The following AGBL3 variants were observed in gnomAD, a reference collection of about 807,000 sequenced individuals.
The protein encoded by AGBL3 is AGBL carboxypeptidase 3, also known as cytosolic carboxypeptidase 3.
A neutral mutation model predicts 94.5 loss-of-function variants in AGBL3; 68 were observed. That is an observed-to-expected ratio of 0.72 (90% CI 0.59 to 0.88). The LOEUF is 0.88. AGBL3 is among the 40% of genes least tolerant of loss of function. The probability of loss-of-function intolerance (pLI) is 0.00; values close to 1 mark genes in which losing one functional copy is unlikely to be tolerated. For synonymous variants in AGBL3, 354 were observed against 370.7 expected (o/e 0.95, Z 0.52); for missense variants, 934 against 1,103.8 (o/e 0.85, Z 2.18).
intron 1 of AGBL3, among the ~76,000 whole-genome samples, chr7:134,987,165 C>T (rs563700556): frequency 4.7e-4 from 71 of 152,290 alleles, no homozygotes; most frequent in Admixed American, 1.9e-3. Context: ...TTGGACTTAA[C>T]TTATATGTAG....
chr7:135,126,087 A>G (rs954328012), intron 16 of AGBL3, among the ~76,000 whole-genome samples: 1 of 152,216 alleles, frequency 6.6e-6, no homozygotes, highest in African/African-American at 2.4e-5. Flanking sequence ...TCAAACAGGA[A>G]GAGAGGAAGT....
intron 4 of AGBL3, among the ~76,000 whole-genome samples, chr7:135,014,757 A>G (rs2133478764): frequency 6.6e-6 from 1 of 152,338 alleles, no homozygotes; most frequent in African/African-American, 2.4e-5. Flanking sequence ...TCACAAGGTG[A>G]TCCATGAGAC....
chr7:135,130,282 G>A (rs1162970770), intron 16 of AGBL3, among the ~76,000 whole-genome samples: 1 of 152,146 alleles, frequency 6.6e-6, no homozygotes, highest in African/African-American at 2.4e-5. Context: ...TTTCAGAATG[G>A]AAATTTATAA....
intron 12 of AGBL3, among the ~76,000 whole-genome samples, chr7:135,072,938 TA>T (rs1296246872): frequency 2.0e-5 from 3 of 151,402 alleles, no homozygotes; most frequent in South Asian, 2.1e-4. Flanking sequence ...AAAATAAAAT[TA>T]AAAAAAATTT....
At chr7:135,014,710 C>T (rs973618562) in intron 4 of AGBL3, among the ~76,000 whole-genome samples, 14 of 152,090 alleles carry the variant, frequency 9.2e-5, no homozygotes, top group African/African-American at 2.9e-4. Context: ...GTCCTAAGGC[C>T]TATGGAGAAA....
intron 16 of AGBL3, among the ~76,000 whole-genome samples, chr7:135,127,970 T>G (rs1828123847): frequency 6.6e-6 from 1 of 152,056 alleles, no homozygotes. Context: ...TGTGGCCATA[T>G]ACACCATGGA....
At chr7:134,991,838 G>C (rs551973448) in intron 3 of AGBL3, among the ~76,000 whole-genome samples, 2 of 151,892 alleles carry the variant, frequency 1.3e-5, no homozygotes, top group Non-Finnish European at 2.9e-5. Context: ...AAAAGACTCA[G>C]TTTCTATCTG....
intron 16 of AGBL3, among the ~76,000 whole-genome samples, chr7:135,121,889 G>A (rs1469434757): frequency 2.6e-5 from 4 of 152,202 alleles, no homozygotes; most frequent in Admixed American, 2.0e-4. Context: ...TTTTTCCACA[G>A]AACTGTGAAA....
At chr7:135,088,950 G>C (rs1339491232) in intron 15 of AGBL3, among the ~76,000 whole-genome samples, 1 of 152,094 alleles carries the variant, frequency 6.6e-6, no homozygotes. Context: ...ATTATTTCAA[G>C]AAATTGGTTT....
In AGBL3 at chr7:135,044,057, G is replaced by A; in HGVS notation, c.1533G>A (p.Gln511=). The A allele has an allele frequency of 6.5e-7, 1 of 1,550,254 alleles. No individual in the cohort carries two copies. The highest frequency in any genetic ancestry group is 8.7e-7 in the Non-Finnish European group (1 of 1,145,844). Residue 511 remains glutamine, a synonymous_variant, in exon 9 of 17, where the codon CAG becomes CAA. Coordinates refer to ENST00000436302, the MANE Select transcript of AGBL3 (RefSeq NM_178563.4). ...TCTCAGCTTGCAAGTTTAATGTCCA[G>A]AAGAGCAAAGAAGGAACAGGAAGGG... is the stretch of plus-strand genomic sequence containing the variant. ...FSFSACKFNV[Q]KSKEGTGRVV...
At chr7:135,045,363 G>T in intron 9 of AGBL3, 111 bp from the exon 10 acceptor site, 1 of 852,276 alleles carries the variant, frequency 1.2e-6, no homozygotes, top group Middle Eastern at 2.9e-4. Context: ...AAAATCTAAA[G>T]GATAGGATAT....
At chr7:135,082,376 G>A (rs571004826) in intron 15 of AGBL3, among the ~76,000 whole-genome samples, 27 of 151,864 alleles carry the variant, frequency 1.8e-4, no homozygotes, top group Admixed American at 2.6e-4. Context: ...GAAATTTTCC[G>A]TTTCTTTCAA....
Position 135,098,508 on chromosome 7 carries a change from C to T in AGBL3, c.2110+16718C>T, listed in dbSNP as rs183821770. 9.3e-4 allele frequency among the ~76,000 whole-genome samples: 142 copies of T among 152,254 alleles called. 1 individual carries two copies. Among genetic ancestry groups the T allele is most frequent in the Non-Finnish European group, 6.0e-4 (41 of 67,994 alleles). On this transcript the variant is annotated intron_variant, in intron 15 of 16. Transcript: ENST00000436302. ...TTCCATCCTCAGTTGGTTAAATCCA[C>T]GGATGTGGAGCCCACACAAACAATG...
At chr7:135,087,000 T>C (rs769602731) in intron 15 of AGBL3, among the ~76,000 whole-genome samples, 2 of 152,044 alleles carry the variant, frequency 1.3e-5, no homozygotes, top group Non-Finnish European at 2.9e-5. Flanking sequence ...AATGGAAGAC[T>C]TTTTATTACA....
At chr7:135,003,079 AT>A (rs1811929826) in intron 4 of AGBL3, among the ~76,000 whole-genome samples, 3 of 151,886 alleles carry the variant, frequency 2.0e-5, no homozygotes, top group Admixed American at 1.3e-4. Flanking sequence ...TTTTTAAATG[AT>A]TTCTGGGGTT....
At chr7:135,035,091 C>T (rs2348051) in intron 7 of AGBL3, among the ~76,000 whole-genome samples, 163 bp downstream of exon 7, 141,592 of 152,118 alleles carry the variant, frequency 0.93, 66,678 homozygotes, top group Non-Finnish European at 1. Context: ...ATTCTATACC[C>T]TTCTGTCATT....
chr7:134,999,477 C>T (rs911018591), intron 4 of AGBL3, among the ~76,000 whole-genome samples: 3 of 152,196 alleles, frequency 2.0e-5, no homozygotes, highest in Non-Finnish European at 2.9e-5. Context: ...TGCCTACATT[C>T]CTACACCTCT....
chr7:135,065,509 C>A (rs1819206997), intron 12 of AGBL3, among the ~76,000 whole-genome samples: 1 of 152,096 alleles, frequency 6.6e-6, no homozygotes, highest in Non-Finnish European at 1.5e-5. Flanking sequence ...AAATAGAAAG[C>A]CCAGAAGTAA....
At chr7:135,035,184 T>C (rs1030130700) in intron 7 of AGBL3, among the ~76,000 whole-genome samples, 1 of 152,186 alleles carries the variant, frequency 6.6e-6, no homozygotes, top group African/African-American at 2.4e-5. Flanking sequence ...GATGACTTGA[T>C]GAAACTAATA....
Sources: allele counts gnomAD v4.1 joint callset (sites outside exome capture counted in the v4.1 genomes callset), GRCh38; gene constraint gnomAD v4.1.1; transcripts MANE v1.5; gene names NCBI Gene and HGNC (gene_info 2026-07-23, HGNC 2026-07-21).